The following HEPH variants were observed in gnomAD, a reference collection of about 807,000 sequenced individuals.
The protein encoded by HEPH is hephaestin.
HEPH carries 69 observed loss-of-function variants against 80.8 expected under a neutral mutation model. The ratio of observed to expected loss-of-function variants is 0.85; its 90% CI spans 0.70 to 1.04. The LOEUF (loss-of-function observed/expected upper bound fraction) is 1.04, where lower values mean the gene tolerates loss of function less well. Ranked by LOEUF, HEPH falls within the 50% of genes least tolerant of loss-of-function variation. HEPH has a pLI of 0.00. For missense variants in HEPH, 1,115 were observed against 891.3 expected, an observed-to-expected ratio of 1.25 and a Z score of -3.20; for synonymous variants, 431 against 322.8, an observed-to-expected ratio of 1.34 and a Z score of -3.60.
intron 15 of HEPH, among the ~76,000 whole-genome samples, chrX:66,222,655 G>C (rs1365890223): frequency 9.0e-6 from 1 of 111,461 alleles, no homozygotes; most frequent in Non-Finnish European, 1.9e-5. Flanking sequence ...TCTACATTTG[G>C]GGAGCAAGAC....
intron 15 of HEPH, among the ~76,000 whole-genome samples, chrX:66,224,281 C>T (rs1479347329): frequency 9.0e-6 from 1 of 111,186 alleles, no homozygotes; most frequent in Non-Finnish European, 1.9e-5. Flanking sequence ...ATTAATCAGA[C>T]CTTGTTTTGT....
chrX:66,232,004 T>G (rs1337627108), intron 15 of HEPH, among the ~76,000 whole-genome samples: 1 of 110,031 alleles, frequency 9.1e-6, no homozygotes, highest in African/African-American at 3.3e-5. Flanking sequence ...TTGAATTTTG[T>G]CAAAGGCTTT....
intron 9 of HEPH, among the ~76,000 whole-genome samples, 174 bp downstream of exon 9, chrX:66,195,403 G>C (rs2088032233): frequency 9.0e-6 from 1 of 111,197 alleles, no homozygotes; most frequent in Non-Finnish European, 1.9e-5. Context: ...TCAATAATAA[G>C]AGAAAATTTC....
At chrX:66,267,454 C>T (rs2091570022), downstream of HEPH, 1 of 111,892 alleles carries the variant, frequency 8.9e-6, no homozygotes, top group Non-Finnish European at 1.9e-5. Flanking sequence ...ACAGAAAATA[C>T]TTAGGGGGTG....
At chrX:66,246,284 G>A (rs1413874834) in intron 15 of HEPH, among the ~76,000 whole-genome samples, 2 of 111,984 alleles carry the variant, frequency 1.8e-5, no homozygotes, top group Non-Finnish European at 3.8e-5. Context: ...CCAGTGGCAG[G>A]AGTGGGTGGG....
At chrX:66,222,469 G>A (rs1055690248) in intron 15 of HEPH, among the ~76,000 whole-genome samples, 4 of 112,220 alleles carry the variant, frequency 3.6e-5, no homozygotes, top group Non-Finnish European at 5.6e-5. Flanking sequence ...TTCCAACCAG[G>A]CATTTGCATC....
At chrX:66,211,633 CCT>C (rs1159493364) in intron 15 of HEPH, among the ~76,000 whole-genome samples, 1 of 111,476 alleles carries the variant, frequency 9.0e-6, no homozygotes, top group Non-Finnish European at 1.9e-5. Context: ...AAGATAATGA[CCT>C]CCATTTCCAT....
chrX:66,249,152 G>T (rs1053413309), intron 15 of HEPH, among the ~76,000 whole-genome samples: 2 of 111,095 alleles, frequency 1.8e-5, no homozygotes, highest in Non-Finnish European at 3.8e-5. Context: ...TCAAGGGCTT[G>T]GTAGACATGG....
intron 15 of HEPH, among the ~76,000 whole-genome samples, chrX:66,239,712 C>T (rs904106614): frequency 2.7e-5 from 3 of 111,928 alleles, no homozygotes; most frequent in African/African-American, 9.7e-5. Flanking sequence ...AGAAAGGACA[C>T]ACTCTTCTAA....
At chrX:66,175,797 C>A (rs2086778671) in intron 4 of HEPH, among the ~76,000 whole-genome samples, 1 of 110,907 alleles carries the variant, frequency 9.0e-6, no homozygotes, top group Non-Finnish European at 1.9e-5. Flanking sequence ...GGGTTGAGTT[C>A]TTGATTTGAT....
At chrX:66,213,571 T>C (rs1298735646) in intron 15 of HEPH, among the ~76,000 whole-genome samples, 1 of 112,089 alleles carries the variant, frequency 8.9e-6, no homozygotes, top group Non-Finnish European at 1.9e-5. Flanking sequence ...CTAGGTATTT[T>C]ATTATTTTGT....
At position 66,189,146 on chromosome X, in the gene HEPH, C is replaced by T. The variant is rs1342534081; in HGVS notation, c.809-538C>T. ...TTTCATTAAGGAAGTCATTTACTGGCCATTCATGACAGGGGTGGGCTAAAA... is the reference window on the plus strand; with the variant it reads ...TTTCATTAAGGAAGTCATTTACTGGTCATTCATGACAGGGGTGGGCTAAAA... On this transcript the variant is annotated intron_variant, in intron 5 of 20. Coordinates refer to ENST00000343002, the MANE Select transcript of HEPH (RefSeq NM_001367233.3). 2.7e-5 allele frequency among the ~76,000 whole-genome samples: 3 copies of T among 112,008 alleles called. No homozygotes were observed. The Admixed American group carries it at 2.8e-4, about 11-fold the overall frequency.
In HEPH at chrX:66,164,451, A is replaced by T. The variant is rs1016586822; in HGVS notation, c.-33A>T. 20 of 753,653 alleles carry T rather than the reference A, an allele frequency of 2.7e-5. No homozygotes were observed. Among genetic ancestry groups the T allele is most frequent in the Non-Finnish European group, 3.1e-5 (20 of 638,819 alleles). 62.1% of individuals were successfully genotyped at this position (753,653 alleles called of 1,213,427 possible). On this transcript the variant is annotated 5_prime_UTR_variant, in exon 1 of 21. Transcript: ENST00000343002. ...TAATGGGCCGCTGACATGAATATGG[A>T]GTAGTTTTCTCTAGCAAAGGTAAGC... is the stretch of plus-strand genomic sequence containing the variant.
rs767636229 is a variant in HEPH, at chrX:66,203,462, C to T, written c.2176C>T (p.Arg726Cys). 11 of 1,208,475 alleles carry T rather than the reference C, an allele frequency of 9.1e-6. No individual in the cohort carries two copies. Among genetic ancestry groups the T allele is most frequent in the African/African-American group, 8.8e-5 (5 of 56,784 alleles). Residue 726 changes from arginine (R) to cysteine (C), a missense_variant, in exon 13 of 21, where the codon CGC becomes TGC. Physicochemically the swap from Arg to Cys is radical, Grantham distance 180 (BLOSUM62 -3). Coordinates refer to ENST00000343002, the MANE Select transcript of HEPH (RefSeq NM_001367233.3). ...GTGTCCTGGCCACCAAGCCACCCCT[C>T]GCCAACGCTACCAAGCTGCAAGAAT... ...SQCPGHQATP[R>C]QRYQAARIYY...
intron 15 of HEPH, among the ~76,000 whole-genome samples, chrX:66,223,599 C>A (rs1468106426): frequency 1.8e-5 from 2 of 111,573 alleles, no homozygotes; most frequent in African/African-American, 6.5e-5. Flanking sequence ...TTAAGAAAAA[C>A]CCATTGTGTT....
intron 10 of HEPH, 43 bp downstream of exon 10, chrX:66,197,937 G>A: frequency 9.1e-7 from 1 of 1,098,676 alleles, no homozygotes; most frequent in African/African-American, 1.8e-5. Flanking sequence ...CTGGGAGAAG[G>A]ATGAAGCTGG....
chrX:66,232,348 T>C (rs975030792), intron 15 of HEPH, among the ~76,000 whole-genome samples: 2 of 111,672 alleles, frequency 1.8e-5, no homozygotes, highest in Non-Finnish European at 3.8e-5. Flanking sequence ...GAAAATTTAC[T>C]CTAAGTGTTG....
Position 66,208,394 on chromosome X carries a change from G to A in HEPH, c.2563+148G>A, listed in dbSNP as rs187009236. 1.0e-3 allele frequency: 542 copies of A among 525,914 alleles called. 1 individual carries two copies. Among genetic ancestry groups the A allele is most frequent in the Non-Finnish European group, 1.4e-3 (490 of 346,638 alleles). 43.3% of individuals were successfully genotyped at this position (525,914 alleles called of 1,213,427 possible). On this transcript the variant is annotated intron_variant, in intron 15 of 20. Coordinates refer to ENST00000343002, the MANE Select transcript of HEPH (RefSeq NM_001367233.3). The stretch of plus-strand genomic sequence containing the variant: ...AGCAGTTTGAGAGGCTGAGGCGGGT[G>A]GATCACTTGAGGTTAGGAGTTCAAG...
In HEPH at chrX:66,251,335, T is replaced by A. The variant is rs2090999214; in HGVS notation, c.2564-3700T>A. 4.4e-5 allele frequency among the ~76,000 whole-genome samples: 5 copies of A among 112,497 alleles called. No individual in the cohort carries two copies. The Admixed American group carries it at 4.7e-4, about 11-fold the overall frequency. ...TTCCCATCAGCAAAGTGTGAGTGAT[T>A]CAGTTGTTCCACATCCTTGCCAGCA... is the stretch of plus-strand genomic sequence containing the variant. On this transcript the variant is annotated intron_variant, in intron 15 of 20. Transcript: ENST00000343002.
Sources: allele counts gnomAD v4.1 joint callset (sites outside exome capture counted in the v4.1 genomes callset), GRCh38; gene constraint gnomAD v4.1.1; transcripts MANE v1.5; gene names NCBI Gene and HGNC (gene_info 2026-07-23, HGNC 2026-07-21).